The following RAB27B variants were observed in gnomAD, a reference collection of about 807,000 sequenced individuals.
The protein encoded by RAB27B is ras-related protein Rab-27B.
A neutral mutation model predicts 24.6 loss-of-function variants in RAB27B; 15 were observed. The ratio of observed to expected loss-of-function variants is 0.61; its 90% confidence interval spans 0.41 to 0.94. The LOEUF is 0.94. Among genes scored for constraint, RAB27B ranks in the 40% least tolerant of loss-of-function variants. The pLI, the probability that RAB27B is intolerant of heterozygous loss-of-function variation, is 0.00. For missense variants in RAB27B, 261 were observed against 266.8 expected, an observed-to-expected ratio of 0.98 and a Z score of 0.15; for synonymous variants, 105 against 92.5, an observed-to-expected ratio of 1.14 and a Z score of -0.78.
rs1224696410 is a variant in RAB27B at position 54,785,075 on chromosome 18, C to T, written c.-20+66934C>T. 4.0e-5 allele frequency among the ~76,000 whole-genome samples: 6 copies of T among 151,092 alleles called. No individual in the cohort carries two copies. In the Admixed American group the frequency reaches 4.0e-4, roughly 10 times the overall value. ...GCCAGTCACATTCCTGCCTCAGGGC[C>T]TTTGTACCTGCCCTTCCATCTGGCT... On this transcript the variant is annotated intron_variant, in intron 2 of 4. Transcript: ENST00000586570.
rs374441365 is a variant in RAB27B at position 54,781,163 on chromosome 18, C to T, written c.-20+63022C>T. Among the ~76,000 whole-genome samples, 162 of 152,126 alleles carry T rather than the reference C, an allele frequency of 1.1e-3. 4 individuals are homozygous for T. In the South Asian group the frequency reaches 0.029, roughly 27 times the overall value. ...TCCCTCCTACTCACCAAGCAGGAAGCAGAAATACTCAGCCACTCCATGCTG... is the reference window on the plus strand; with the variant it reads ...TCCCTCCTACTCACCAAGCAGGAAGTAGAAATACTCAGCCACTCCATGCTG... On this transcript the variant is annotated intron_variant, in intron 2 of 4. Coordinates refer to the RAB27B transcript ENST00000586570.
intron 2 of RAB27B, among the ~76,000 whole-genome samples, chr18:54,762,408 T>C (rs989196882): frequency 2.0e-5 from 3 of 152,184 alleles, no homozygotes; most frequent in Non-Finnish European, 4.4e-5. Flanking sequence ...CAGGAAATTC[T>C]GTAGCTTTAA....
rs186575908 is a variant in RAB27B at position 54,830,534 on chromosome 18, A to C, written c.-20+1834A>C. 1.3e-4 allele frequency among the ~76,000 whole-genome samples: 20 copies of C among 152,326 alleles called. No homozygotes were observed. In the East Asian group the frequency reaches 3.7e-3, roughly 28 times the overall value. ...TGAGATGCAAGGAAATGATTTCAAT[A>C]AAAACAGACAGGACAAATCAGGTGT... On this transcript the variant is annotated intron_variant, in intron 1 of 5. Coordinates refer to ENST00000262094, the MANE Select transcript of RAB27B (RefSeq NM_004163.4).
intron 2 of RAB27B, among the ~76,000 whole-genome samples, chr18:54,768,772 A>T (rs985766123): frequency 6.6e-5 from 10 of 152,118 alleles, no homozygotes; most frequent in African/African-American, 2.2e-4. Context: ...GGACGAAGTG[A>T]GTACAACGGG....
chr18:54,833,101 G>C (rs1910752060), intron 1 of RAB27B, among the ~76,000 whole-genome samples: 1 of 152,130 alleles, frequency 6.6e-6, no homozygotes, highest in African/African-American at 2.4e-5. Flanking sequence ...TTGAAGAAGA[G>C]TAATGCACAG....
chr18:54,895,506 T>G lies in RAB27B; in HGVS notation c.*6093T>G, dbSNP rs935381927. 6.6e-6 allele frequency: 1 copy of G among 152,142 alleles called. No individual in the cohort carries two copies. Among genetic ancestry groups the G allele is most frequent in the South Asian group, 2.1e-4 (1 of 4,838 alleles). 9.4% of individuals were successfully genotyped at this position (152,142 alleles called of 1,614,324 possible). On this transcript the variant is annotated 3_prime_UTR_variant, in exon 6 of 6. Coordinates refer to ENST00000262094, the MANE Select transcript of RAB27B (RefSeq NM_004163.4). ...ACACTTTTCAAATAAAAAATGAATT[T>G]TTATCAATTATTTTCTGTACTCAAA...
At chr18:54,718,581 C>T (rs1483668170) in intron 2 of RAB27B, among the ~76,000 whole-genome samples, 1 of 152,190 alleles carries the variant, frequency 6.6e-6, no homozygotes, top group Non-Finnish European at 1.5e-5. Flanking sequence ...TGGTGCCCCA[C>T]AGTGTAAAGC....
intron 2 of RAB27B, among the ~76,000 whole-genome samples, chr18:54,818,242 T>C (rs1331897567): frequency 2.0e-5 from 3 of 152,204 alleles, no homozygotes; most frequent in Non-Finnish European, 4.4e-5. Context: ...TTAGGGTGGG[T>C]CTTTGAATTA....
chr18:54,846,192 C>T (rs912406450), intron 1 of RAB27B, among the ~76,000 whole-genome samples: 3 of 152,198 alleles, frequency 2.0e-5, no homozygotes, highest in Admixed American at 6.5e-5. Context: ...AAGTTTCGTT[C>T]AGGCATGAGT....
chr18:54,722,678 G>T (rs1909398514), intron 2 of RAB27B, among the ~76,000 whole-genome samples: 1 of 152,128 alleles, frequency 6.6e-6, no homozygotes, highest in Non-Finnish European at 1.5e-5. Flanking sequence ...AGATGCTTGG[G>T]GTTTTGTCAT....
chr18:54,887,889 A>G, intron 4 of RAB27B, 106 bp from the exon 5 acceptor site: 1 of 1,387,534 alleles, frequency 7.2e-7, no homozygotes, highest in Non-Finnish European at 9.8e-7. Flanking sequence ...CTAGTAAGCA[A>G]CCAAACTGGA....
intron 2 of RAB27B, among the ~76,000 whole-genome samples, chr18:54,790,266 C>T (rs910555050): frequency 2.0e-5 from 3 of 151,972 alleles, no homozygotes; most frequent in Non-Finnish European, 4.4e-5. Context: ...AAGATATAAA[C>T]CAGATGGTTG....
intron 2 of RAB27B, among the ~76,000 whole-genome samples, chr18:54,816,330 T>C (rs1290476598): frequency 6.6e-6 from 1 of 152,092 alleles, no homozygotes; most frequent in East Asian, 1.9e-4. Flanking sequence ...GGTCATAGAG[T>C]CATGGGGTTA....
intron 3 of RAB27B, 35 bp downstream of exon 3, chr18:54,879,489 A>G (rs748069545): frequency 2.6e-6 from 4 of 1,531,230 alleles, no homozygotes; most frequent in East Asian, 4.5e-5. Context: ...GGCTACACAT[A>G]GCTTAGAAAA....
chr18:54,774,974 C>G (rs1908670928), intron 2 of RAB27B, among the ~76,000 whole-genome samples: 1 of 152,194 alleles, frequency 6.6e-6, no homozygotes, highest in Admixed American at 6.5e-5. Context: ...TTAATATCTG[C>G]TCAGTGGATG....
intron 1 of RAB27B, among the ~76,000 whole-genome samples, chr18:54,832,874 T>C (rs1910740246): frequency 2.0e-5 from 3 of 152,086 alleles, no homozygotes; most frequent in South Asian, 2.1e-4. Flanking sequence ...GAGTTCTCAA[T>C]ATAAGATATT....
chr18:54,880,528 T>C (rs1490809284), intron 3 of RAB27B: 1 of 152,122 alleles, frequency 6.6e-6, no homozygotes, highest in African/African-American at 2.4e-5. Context: ...TTTTAGCGAG[T>C]GTAAATGCCA....
chr18:54,726,293 C>T (rs1214587247), intron 2 of RAB27B, among the ~76,000 whole-genome samples: 1 of 151,446 alleles, frequency 6.6e-6, no homozygotes, highest in African/African-American at 2.4e-5. Flanking sequence ...GTGATACTGC[C>T]ATTAAACTGA....
In RAB27B at chr18:54,884,588, A is replaced by T. The variant is rs990565709; in HGVS notation, c.343+152A>T. On this transcript the variant is annotated intron_variant, in intron 4 of 5. Transcript: ENST00000262094. The stretch of plus-strand genomic sequence containing the variant: ...TGCCTGTGCCACTGTGTCACCTTCA[A>T]AGTGGTGGCCTTTATGTGGACCACC... The T allele has an allele frequency of 3.1e-5, 17 of 556,358 alleles. No homozygotes were observed. In the East Asian group the frequency reaches 5.0e-4, roughly 16 times the overall value. The allele number at this position is 556,358 out of a possible 1,614,324, so 34.5% of individuals were successfully genotyped here.
Sources: gnomAD v4.1 joint callset for allele counts (sites outside exome capture counted in the v4.1 genomes callset) on GRCh38, gnomAD v4.1.1 for gene constraint, MANE v1.5 for transcripts, NCBI Gene and HGNC (gene_info 2026-07-23, HGNC 2026-07-21) for gene names.